HYCC1: variants seen among roughly 807,000 people sequenced by gnomAD.
HYCC1 encodes hyccin.
At chr7:23,000,945 T>A in the HYCC1 span, among the ~76,000 whole-genome samples, 1 of 152,094 alleles carries the variant, frequency 6.6e-6, no homozygotes, top group African/African-American at 2.4e-5. Flanking sequence ...ATCAAAGGAC[T>A]TTTCAGAGCC....
chr7:22,904,946 G>A, the HYCC1 span, among the ~76,000 whole-genome samples: 1 of 151,966 alleles, frequency 6.6e-6, no homozygotes, highest in Admixed American at 6.6e-5. Context: ...GCATGGTGCT[G>A]GCATCCACAA....
chr7:22,971,664 A>G, the HYCC1 span, among the ~76,000 whole-genome samples: 24 of 142,388 alleles, frequency 1.7e-4, no homozygotes, highest in African/African-American at 6.2e-4. Context: ...CAACAGAGCA[A>G]GACCCCATCT....
the HYCC1 span, among the ~76,000 whole-genome samples, chr7:22,914,070 A>G: frequency 6.6e-6 from 1 of 152,208 alleles, no homozygotes; most frequent in African/African-American, 2.4e-5. Context: ...AGTAGAAACA[A>G]AGGAGGCACA....
At chr7:22,980,339 G>T in the HYCC1 span, among the ~76,000 whole-genome samples, 1 of 151,552 alleles carries the variant, frequency 6.6e-6, no homozygotes, top group African/African-American at 2.4e-5. Flanking sequence ...TATTAAGAGA[G>T]ACTGTACCTC....
At chr7:22,933,502 G>T in the HYCC1 span, among the ~76,000 whole-genome samples, 1 of 151,890 alleles carries the variant, frequency 6.6e-6, no homozygotes, top group Non-Finnish European at 1.5e-5. Flanking sequence ...TCTCTTAGAT[G>T]GTTGCTGTTT....
At chr7:22,926,236 T>C in the HYCC1 span, among the ~76,000 whole-genome samples, 1 of 151,984 alleles carries the variant, frequency 6.6e-6, no homozygotes, top group African/African-American at 2.4e-5. Flanking sequence ...ACATGCCAAA[T>C]TGTAAAGACC....
At chr7:23,013,903 T>C in the HYCC1 span, 1 of 465,686 alleles carries the variant, frequency 2.1e-6, no homozygotes. Flanking sequence ...GGGCCCGGCG[T>C]GGGTCTCTCG....
chr7:22,964,186 AGAT>A, the HYCC1 span, among the ~76,000 whole-genome samples: 148 of 152,238 alleles, frequency 9.7e-4, 1 homozygote, highest in Middle Eastern at 3.4e-3. Context: ...AATTTAAGAA[AGAT>A]GATGAAGTGT....
chr7:22,998,014 C>T, the HYCC1 span, among the ~76,000 whole-genome samples: 2 of 149,752 alleles, frequency 1.3e-5, no homozygotes, highest in Non-Finnish European at 2.9e-5. Flanking sequence ...TCTTTCTTCT[C>T]ATTTCCCATT....
the HYCC1 span, chr7:22,938,967 CG>C: frequency 6.6e-6 from 1 of 152,126 alleles, no homozygotes; most frequent in Admixed American, 6.6e-5. Flanking sequence ...TACTAGCAAA[CG>C]TAAGTGTGTA....
At chr7:22,936,840 C>G in the HYCC1 span, 1 of 152,182 alleles carries the variant, frequency 6.6e-6, no homozygotes, top group Admixed American at 6.5e-5. Flanking sequence ...CTGTGCAATA[C>G]TGCTTGTATA....
At chr7:22,996,896 A>G in the HYCC1 span, among the ~76,000 whole-genome samples, 1 of 152,172 alleles carries the variant, frequency 6.6e-6, no homozygotes, top group Non-Finnish European at 1.5e-5. Flanking sequence ...AATATTCAAA[A>G]TATACTTGCA....
the HYCC1 span, among the ~76,000 whole-genome samples, chr7:22,953,261 CA>C: frequency 1.3e-5 from 2 of 151,898 alleles, no homozygotes; most frequent in Non-Finnish European, 2.9e-5. Flanking sequence ...ACACCTATTA[CA>C]AAACTACCTG....
At chr7:22,983,328 C>CAAAAAA in the HYCC1 span, among the ~76,000 whole-genome samples, 1 of 111,182 alleles carries the variant, frequency 9.0e-6, no homozygotes, top group African/African-American at 3.7e-5. Context: ...GACCCTGTCT[C>CAAAAAA]AAAAAAAAAA....
the HYCC1 span, among the ~76,000 whole-genome samples, chr7:22,963,189 A>G: frequency 6.6e-6 from 1 of 152,212 alleles, no homozygotes; most frequent in African/African-American, 2.4e-5. Flanking sequence ...CAAAACAAAC[A>G]AGACCAACTC....
At chr7:22,929,350 T>C in the HYCC1 span, among the ~76,000 whole-genome samples, 19 of 152,254 alleles carry the variant, frequency 1.2e-4, no homozygotes, top group African/African-American at 4.6e-4. Context: ...TGGGATCTAT[T>C]TAAACTAAAG....
the HYCC1 span, among the ~76,000 whole-genome samples, chr7:22,917,411 G>T: frequency 6.6e-6 from 1 of 152,172 alleles, no homozygotes; most frequent in Non-Finnish European, 1.5e-5. Context: ...TGTTCCATCT[G>T]CTATTCTACG....
chr7:22,933,451 T>C, the HYCC1 span, among the ~76,000 whole-genome samples: 1 of 152,228 alleles, frequency 6.6e-6, no homozygotes, highest in African/African-American at 2.4e-5. Context: ...TTTGTTTTGA[T>C]TTAAAGTCTA....
At chr7:22,896,453 A>G in the HYCC1 span, among the ~76,000 whole-genome samples, 2 of 152,224 alleles carry the variant, frequency 1.3e-5, no homozygotes, top group Non-Finnish European at 2.9e-5. Flanking sequence ...CATGATTCCT[A>G]CATATGACAA....
Sources: allele counts gnomAD v4.1 joint callset (sites outside exome capture counted in the v4.1 genomes callset), GRCh38; gene constraint gnomAD v4.1.1; transcripts MANE v1.5; gene names NCBI Gene and HGNC (gene_info 2026-07-23, HGNC 2026-07-21).